GABRA3: variants seen among roughly 807,000 people sequenced by gnomAD.
GABRA3 encodes the protein gamma-aminobutyric acid type A receptor subunit alpha3, also known as gamma-aminobutyric acid receptor subunit alpha-3.
GABRA3 carries 10 observed loss-of-function variants against 30.1 expected under a neutral mutation model. That is an observed-to-expected ratio of 0.33 (90% confidence interval 0.20 to 0.56). The LOEUF (loss-of-function observed/expected upper bound fraction) is 0.56, where lower values mean the gene tolerates loss of function less well. Ranked by LOEUF, GABRA3 falls within the 20% of genes least tolerant of loss-of-function variation. The pLI is 0.89. For missense variants in GABRA3, 233 were observed against 392.0 expected (o/e 0.59, Z 3.42); for synonymous variants, 151 against 146.8 (o/e 1.03, Z -0.21).
chrX:152,295,531 C>T (rs1346896795), intron 3 of GABRA3, among the ~76,000 whole-genome samples: 3 of 113,046 alleles, frequency 2.7e-5, no homozygotes, highest in African/African-American at 9.6e-5. Flanking sequence ...TCCTGCTCTG[C>T]CGTTTGCTAA....
intron 3 of GABRA3, among the ~76,000 whole-genome samples, chrX:152,333,368 C>A (rs1231283633): frequency 3.6e-5 from 4 of 111,622 alleles, no homozygotes; most frequent in African/African-American, 1.3e-4. Flanking sequence ...AGTAAACCTA[C>A]AACAAATTCC....
intron 4 of GABRA3, among the ~76,000 whole-genome samples, chrX:152,275,948 C>T (rs149139774): frequency 0.014 from 1,583 of 109,404 alleles, 30 homozygotes; most frequent in African/African-American, 0.049. Flanking sequence ...AAAGGAATAC[C>T]TCCCTGTAAA....
At chrX:152,275,279 A>AT (rs1258147959) in intron 4 of GABRA3, among the ~76,000 whole-genome samples, 3 of 66,973 alleles carry the variant, frequency 4.5e-5, no homozygotes, top group South Asian at 6.4e-4. Context: ...TATATATATA[A>AT]ATTATATATA....
chrX:152,279,694 C>T (rs1939162232), intron 4 of GABRA3, among the ~76,000 whole-genome samples: 1 of 111,300 alleles, frequency 9.0e-6, no homozygotes, highest in Non-Finnish European at 1.9e-5. Context: ...CTATAAATTA[C>T]CTTGGGCAGT....
At chrX:152,396,482 A>G (rs1442978963) in intron 1 of GABRA3, among the ~76,000 whole-genome samples, 1 of 111,820 alleles carries the variant, frequency 8.9e-6, no homozygotes, top group African/African-American at 3.3e-5. Flanking sequence ...CTCCCCCTGT[A>G]GTTTTACCAC....
chrX:152,307,479 G>A (rs780965807), intron 3 of GABRA3, among the ~76,000 whole-genome samples: 2 of 111,383 alleles, frequency 1.8e-5, no homozygotes, highest in African/African-American at 6.5e-5. Flanking sequence ...AGAATTTCCA[G>A]GGGAGGGTCA....
intron 1 of GABRA3, among the ~76,000 whole-genome samples, chrX:152,408,422 A>C (rs1387179352): frequency 1.8e-5 from 2 of 111,868 alleles, no homozygotes; most frequent in African/African-American, 6.5e-5. Context: ...GCATGTTTAT[A>C]TGTCAGCAGT....
At chrX:152,288,142 C>T (rs755617437) in intron 3 of GABRA3, among the ~76,000 whole-genome samples, 2 of 111,784 alleles carry the variant, frequency 1.8e-5, no homozygotes, top group East Asian at 5.6e-4. Context: ...ATTTATGTTA[C>T]CATCCACAGG....
chrX:152,396,566 T>C (rs906317275), intron 1 of GABRA3, among the ~76,000 whole-genome samples: 1 of 112,197 alleles, frequency 8.9e-6, no homozygotes, highest in African/African-American at 3.2e-5. Context: ...ACAGCCATAG[T>C]ACAGTGTGCT....
At position 152,451,210 on chromosome X, in the gene GABRA3, G is replaced by T. The variant is rs1345347986; in HGVS notation, c.-91C>A. On this transcript the variant is annotated 5_prime_UTR_variant, in exon 1 of 10. Coordinates refer to ENST00000370314, the MANE Select transcript of GABRA3 (RefSeq NM_000808.4). ...TGAACTGAAACAAGTTGGAGGTTGA[G>T]CCCTGACAGAGCTCGGCTTCTGGCT... The T allele has an allele frequency of 1.8e-5, 2 of 112,085 alleles. No individual in the cohort carries two copies. Among genetic ancestry groups the T allele is most frequent in the African/African-American group, 6.5e-5 (2 of 30,697 alleles). The allele number at this position is 112,085 out of a possible 1,213,427, so 9.2% of individuals were successfully genotyped here.
At chrX:152,332,527 T>C (rs928477339) in intron 3 of GABRA3, among the ~76,000 whole-genome samples, 1 of 112,378 alleles carries the variant, frequency 8.9e-6, no homozygotes, top group Non-Finnish European at 1.9e-5. Context: ...ATCTATTTGA[T>C]AGGTTATTTA....
At chrX:152,292,075 T>C (rs1407605165) in intron 3 of GABRA3, among the ~76,000 whole-genome samples, 3 of 111,831 alleles carry the variant, frequency 2.7e-5, no homozygotes, top group Non-Finnish European at 5.6e-5. Context: ...TTGATTGGTA[T>C]AGTTTCAAAA....
At chrX:152,171,310 G>T in intron 9 of GABRA3, 1 of 245,243 alleles carries the variant, frequency 4.1e-6, no homozygotes, top group South Asian at 1.9e-4. Context: ...TAGATGGGGA[G>T]AAGCAGCAAT....
chrX:152,311,877 C>A (rs1483059197), intron 3 of GABRA3, among the ~76,000 whole-genome samples: 3 of 110,637 alleles, frequency 2.7e-5, no homozygotes, highest in Non-Finnish European at 3.8e-5. Context: ...GATACAAAAT[C>A]AATGTACAAA....
At chrX:152,369,773 G>A (rs1337650533) in intron 1 of GABRA3, among the ~76,000 whole-genome samples, 1 of 110,758 alleles carries the variant, frequency 9.0e-6, no homozygotes, top group African/African-American at 3.3e-5. Flanking sequence ...AGATAGAAAA[G>A]CTCAATGGGG....
intron 9 of GABRA3, among the ~76,000 whole-genome samples, chrX:152,172,756 T>TA (rs1937018595): frequency 9.0e-6 from 1 of 111,448 alleles, no homozygotes; most frequent in Non-Finnish European, 1.9e-5. Flanking sequence ...AGCAAATTCA[T>TA]AGAGACAGAA....
At chrX:152,332,635 C>T (rs1940180711) in intron 3 of GABRA3, among the ~76,000 whole-genome samples, 1 of 111,810 alleles carries the variant, frequency 8.9e-6, no homozygotes, top group African/African-American at 3.3e-5. Context: ...CAAGAAAGTG[C>T]TCCATGATTA....
chrX:152,327,404 C>T (rs761880801), intron 3 of GABRA3, among the ~76,000 whole-genome samples: 1 of 111,913 alleles, frequency 8.9e-6, no homozygotes. Context: ...ATACATTCTT[C>T]TCAGCACCAC....
chrX:152,227,593 G>T (rs1394127355), intron 5 of GABRA3, among the ~76,000 whole-genome samples: 1 of 99,117 alleles, frequency 1.0e-5, no homozygotes, highest in African/African-American at 3.7e-5. Flanking sequence ...AATTAAATGG[G>T]TTACATTTTT....
Sources: allele counts gnomAD v4.1 joint callset (sites outside exome capture counted in the v4.1 genomes callset), GRCh38; gene constraint gnomAD v4.1.1; transcripts MANE v1.5; gene names NCBI Gene and HGNC (gene_info 2026-07-23, HGNC 2026-07-21).